The following DLG1 variants were observed in gnomAD, a reference collection of about 807,000 sequenced individuals.
DLG1 encodes the protein discs large MAGUK scaffold protein 1.
A neutral mutation model predicts 123.4 loss-of-function variants in DLG1; 42 were observed. The ratio of observed to expected loss-of-function variants is 0.34; its 90% CI spans 0.27 to 0.44. The LOEUF is 0.44. Ranked by LOEUF, DLG1 falls within the 20% of genes least tolerant of loss-of-function variation. The probability of loss-of-function intolerance (pLI) is 1.00; values close to 1 mark genes in which losing one functional copy is unlikely to be tolerated. For missense variants in DLG1, 942 were observed against 1,082.6 expected, an observed-to-expected ratio of 0.87 and a Z score of 1.82; for synonymous variants, 317 against 356.2, an observed-to-expected ratio of 0.89 and a Z score of 1.24.
intron 5 of DLG1, among the ~76,000 whole-genome samples, chr3:197,170,361 T>G (rs1803523263): frequency 6.6e-6 from 1 of 152,232 alleles, no homozygotes; most frequent in African/African-American, 2.4e-5. Flanking sequence ...GTTGAACTAA[T>G]TTACACTCTC....
chr3:197,293,994 A>C lies in DLG1; in HGVS notation c.151+2352T>G, dbSNP rs143433714. On this transcript the variant is annotated intron_variant, in intron 3 of 24. Transcript: ENST00000667157. ...TGGACACAATGAACTGGTTTAGCTT[A>C]GGGCAGTTTACAAGCTTAAAGTACA... 3.9e-4 allele frequency: 59 copies of C among 152,964 alleles called. 1 individual carries two copies. The East Asian group carries it at 0.012, about 30-fold the overall frequency. 9.5% of individuals were successfully genotyped at this position (152,964 alleles called of 1,614,324 possible). A position where few individuals can be genotyped will look rare whatever the true frequency, so the allele number is the denominator to read the frequency against.
At chr3:197,074,050 C>T (rs1423063043) in intron 18 of DLG1, among the ~76,000 whole-genome samples, 1 of 152,130 alleles carries the variant, frequency 6.6e-6, no homozygotes, top group Non-Finnish European at 1.5e-5. Context: ...TTGAACACAT[C>T]CTTCTTCCCA....
At chr3:197,117,186 A>G (rs1156817334) in intron 12 of DLG1, among the ~76,000 whole-genome samples, 2 of 152,216 alleles carry the variant, frequency 1.3e-5, no homozygotes, top group African/African-American at 2.4e-5. Flanking sequence ...ACAAAAAGTA[A>G]CAAGTGTTGA....
At chr3:197,138,656 C>T (rs548104361) in intron 8 of DLG1, among the ~76,000 whole-genome samples, 1 of 152,150 alleles carries the variant, frequency 6.6e-6, no homozygotes, top group South Asian at 2.1e-4. Flanking sequence ...ATTACAGCTA[C>T]CATTTGCATA....
intron 4 of DLG1, among the ~76,000 whole-genome samples, chr3:197,274,936 A>G (rs934899316): frequency 6.6e-6 from 1 of 152,262 alleles, no homozygotes; most frequent in African/African-American, 2.4e-5. Context: ...CTGTAATCCC[A>G]GCACATGGGA....
chr3:197,254,121 G>C (rs1481488204), intron 4 of DLG1, among the ~76,000 whole-genome samples: 1 of 152,146 alleles, frequency 6.6e-6, no homozygotes, highest in African/African-American at 2.4e-5. Context: ...TAATGACGTG[G>C]GCTGGCATGA....
chr3:197,049,917 C>A (rs1726148061), intron 24 of DLG1, among the ~76,000 whole-genome samples: 1 of 152,000 alleles, frequency 6.6e-6, no homozygotes, highest in African/African-American at 2.4e-5. Flanking sequence ...AAAAATTAGC[C>A]AGGTGTGGTG....
intron 4 of DLG1, among the ~76,000 whole-genome samples, chr3:197,272,085 T>C (rs1182696478): frequency 6.6e-6 from 1 of 152,220 alleles, no homozygotes; most frequent in Admixed American, 6.5e-5. Flanking sequence ...CACATCACAG[T>C]AACTCACAAG....
intron 10 of DLG1, among the ~76,000 whole-genome samples, chr3:197,135,739 A>G (rs1173468824): frequency 6.6e-6 from 1 of 152,220 alleles, no homozygotes; most frequent in South Asian, 2.1e-4. Flanking sequence ...AGTCTCATAC[A>G]GTGCAATAGT....
At chr3:197,071,895 T>C (rs1433236573) in intron 18 of DLG1, among the ~76,000 whole-genome samples, 1 of 152,162 alleles carries the variant, frequency 6.6e-6, no homozygotes, top group African/African-American at 2.4e-5. Context: ...GCTGGACAAA[T>C]GTGTATCTAT....
chr3:197,177,272 C>T (rs991420620), intron 5 of DLG1, among the ~76,000 whole-genome samples: 7 of 152,108 alleles, frequency 4.6e-5, no homozygotes, highest in African/African-American at 1.7e-4. Flanking sequence ...TCCATCCAAA[C>T]TGTGAATGTT....
intron 5 of DLG1, among the ~76,000 whole-genome samples, chr3:197,172,507 C>T (rs1433698653): frequency 6.6e-6 from 1 of 152,012 alleles, no homozygotes; most frequent in African/African-American, 2.4e-5. Flanking sequence ...TGCCCAGTGC[C>T]TAGAAAAGTG....
intron 4 of DLG1, among the ~76,000 whole-genome samples, chr3:197,254,882 T>G (rs1298078340): frequency 1.3e-5 from 2 of 151,914 alleles, no homozygotes; most frequent in African/African-American, 4.8e-5. Context: ...ACCCCACGTT[T>G]ACTAAAAATA....
intron 4 of DLG1, among the ~76,000 whole-genome samples, chr3:197,253,873 T>A (rs1206193177): frequency 6.6e-6 from 1 of 152,094 alleles, no homozygotes; most frequent in African/African-American, 2.4e-5. Flanking sequence ...TATTATTATT[T>A]TTTTACAAAC....
intron 15 of DLG1, among the ~76,000 whole-genome samples, chr3:197,089,405 C>T (rs1303271761): frequency 6.6e-6 from 1 of 151,674 alleles, no homozygotes; most frequent in Non-Finnish European, 1.5e-5. Context: ...CATGTGCCTA[C>T]AGTCCCAGCT....
chr3:197,116,155 C>G, intron 12 of DLG1, 72 bp from the exon 13 acceptor site: 1 of 1,189,758 alleles, frequency 8.4e-7, no homozygotes, highest in Non-Finnish European at 1.2e-6. Context: ...TGAGAACTAC[C>G]TACTGATAAT....
intron 4 of DLG1, among the ~76,000 whole-genome samples, chr3:197,267,206 A>T (rs183313316): frequency 3.3e-4 from 50 of 152,318 alleles, no homozygotes; most frequent in Non-Finnish European, 2.2e-4. Flanking sequence ...ATATTTTTTT[A>T]AAAAATAACA....
At chr3:197,266,811 T>C (rs1761885253) in intron 4 of DLG1, among the ~76,000 whole-genome samples, 1 of 151,944 alleles carries the variant, frequency 6.6e-6, no homozygotes, top group African/African-American at 2.4e-5. Context: ...ATTAATCATA[T>C]CAGTGAACTG....
chr3:197,288,087 C>T (rs543651376), intron 3 of DLG1, among the ~76,000 whole-genome samples: 13 of 151,928 alleles, frequency 8.6e-5, no homozygotes, highest in Non-Finnish European at 1.5e-4. Flanking sequence ...CTATATAGGC[C>T]GGGTGCAGTG....
Sources: gnomAD v4.1 joint callset for allele counts (sites outside exome capture counted in the v4.1 genomes callset) on GRCh38, gnomAD v4.1.1 for gene constraint, MANE v1.5 for transcripts, NCBI Gene and HGNC (gene_info 2026-07-23, HGNC 2026-07-21) for gene names.